Variants in SLC25A48 observed in about 807,000 individuals in gnomAD.
SLC25A48 encodes solute carrier family 25 member 48.
SLC25A48 carries 29 observed loss-of-function variants against 32.2 expected under a neutral mutation model. That is an observed-to-expected ratio of 0.90 (90% CI 0.67 to 1.23). The LOEUF (loss-of-function observed/expected upper bound fraction) is 1.23. SLC25A48 is among the 50% of genes most tolerant of loss of function. The pLI is 0.00. For synonymous variants in SLC25A48, 164 were observed against 172.3 expected (o/e 0.95, Z 0.38); for missense variants, 399 against 422.7 (o/e 0.94, Z 0.49).
In SLC25A48 at chr5:135,754,420, T is replaced by C. The variant is rs62365680; in HGVS notation, c.-520-58103T>C. 7.2e-3 allele frequency among the ~76,000 whole-genome samples: 1,102 copies of C among 152,180 alleles called. 5 individuals carry two copies. The highest frequency in any genetic ancestry group is 0.014 in the Middle Eastern group (4 of 294). ...TATTTATCATATTACAGTGTTGACA[T>C]GGAGTGTTTATGCTGTGATATTAAT... On this transcript the variant is annotated intron_variant, in intron 3 of 10. Coordinates refer to the SLC25A48 transcript ENST00000646290.
intron 6 of SLC25A48, among the ~76,000 whole-genome samples, chr5:135,877,061 C>T (rs25900): frequency 0.13 from 20,011 of 152,120 alleles, 1,688 homozygotes; most frequent in African/African-American, 0.23. Flanking sequence ...ACGATGGTGA[C>T]CAATTTGAGT....
At chr5:135,598,763 G>A (rs1330207350) in intron 1 of SLC25A48, among the ~76,000 whole-genome samples, 1 of 140,712 alleles carries the variant, frequency 7.1e-6, no homozygotes, top group African/African-American at 2.8e-5. Context: ...TTGGGGTGGA[G>A]TATTAACATT....
chr5:135,814,382 T>C (rs765139079), intron 4 of SLC25A48, among the ~76,000 whole-genome samples: 52 of 152,188 alleles, frequency 3.4e-4, no homozygotes, highest in Non-Finnish European at 6.5e-4. Flanking sequence ...GAACTCCAAC[T>C]GCACGCAGCA....
chr5:135,637,365 G>T (rs189567193), intron 3 of SLC25A48, among the ~76,000 whole-genome samples: 1 of 151,804 alleles, frequency 6.6e-6, no homozygotes, highest in Non-Finnish European at 1.5e-5. Flanking sequence ...TCTTCCCCCC[G>T]ACCCCCATGC....
At chr5:135,632,225 G>A (rs1752592725) in intron 2 of SLC25A48, among the ~76,000 whole-genome samples, 1 of 152,228 alleles carries the variant, frequency 6.6e-6, no homozygotes, top group South Asian at 2.1e-4. Context: ...GGGCCATGGG[G>A]AGCCACTAAA....
chr5:135,591,901 C>T (rs1751536782), intron 1 of SLC25A48, among the ~76,000 whole-genome samples: 1 of 152,212 alleles, frequency 6.6e-6, no homozygotes, highest in African/African-American at 2.4e-5. Flanking sequence ...ATCACTCAGG[C>T]TCTGTGAGCG....
chr5:135,596,892 G>T (rs1018598388), intron 1 of SLC25A48, among the ~76,000 whole-genome samples: 2 of 152,168 alleles, frequency 1.3e-5, no homozygotes, highest in African/African-American at 4.8e-5. Flanking sequence ...ATGATTGGGG[G>T]TGCACTTGGC....
At chr5:135,718,628 C>A (rs1754874045) in intron 3 of SLC25A48, among the ~76,000 whole-genome samples, 1 of 152,104 alleles carries the variant, frequency 6.6e-6, no homozygotes, top group Non-Finnish European at 1.5e-5. Flanking sequence ...AAAGAGAAAT[C>A]CCTTTATTAA....
At chr5:135,869,680 C>T (rs972691282) in intron 4 of SLC25A48, among the ~76,000 whole-genome samples, 2 of 152,160 alleles carry the variant, frequency 1.3e-5, no homozygotes, top group Non-Finnish European at 2.9e-5. Flanking sequence ...CAGAATTTCT[C>T]CAGATGAACC....
At chr5:135,835,729 G>A (rs1156532635) in intron 1 of SLC25A48, among the ~76,000 whole-genome samples, 1 of 140,490 alleles carries the variant, frequency 7.1e-6, no homozygotes, top group Non-Finnish European at 1.5e-5. Flanking sequence ...CCATCTAAAA[G>A]GGTTATCCTA....
intron 4 of SLC25A48, among the ~76,000 whole-genome samples, chr5:135,861,006 G>A (rs1257360089): frequency 6.6e-6 from 1 of 152,172 alleles, no homozygotes; most frequent in African/African-American, 2.4e-5. Context: ...CCTCCTGATT[G>A]TCTCTTAGTG....
chr5:135,745,399 C>A (rs1049987939), intron 3 of SLC25A48, among the ~76,000 whole-genome samples: 2 of 152,180 alleles, frequency 1.3e-5, no homozygotes, highest in African/African-American at 4.8e-5. Context: ...GGTAAACCAA[C>A]AACCTCCAGC....
chr5:135,804,898 G>C (rs1194538092), intron 3 of SLC25A48, among the ~76,000 whole-genome samples: 1 of 151,262 alleles, frequency 6.6e-6, no homozygotes, highest in Non-Finnish European at 1.5e-5. Flanking sequence ...TACACCCTGG[G>C]ATATTATCTG....
intron 3 of SLC25A48, among the ~76,000 whole-genome samples, chr5:135,775,664 G>A (rs1756537334): frequency 6.6e-6 from 1 of 151,638 alleles, no homozygotes; most frequent in South Asian, 2.1e-4. Context: ...GGGAGAGGAT[G>A]CTATTACTCC....
intron 3 of SLC25A48, among the ~76,000 whole-genome samples, chr5:135,689,846 A>G (rs1309391005): frequency 6.6e-6 from 1 of 152,238 alleles, no homozygotes; most frequent in African/African-American, 2.4e-5. Context: ...TTTTATTCAA[A>G]TTGGCAAATA....
At chr5:135,778,841 C>A (rs78264856) in intron 3 of SLC25A48, among the ~76,000 whole-genome samples, 820 of 3,494 alleles carry the variant, frequency 0.23, 19 homozygotes, top group Non-Finnish European at 0.31. Context: ...GTACACACAC[C>A]CCCCCCGCCC....
chr5:135,582,544 C>T (rs1446372845), intron 1 of SLC25A48, among the ~76,000 whole-genome samples: 1 of 152,120 alleles, frequency 6.6e-6, no homozygotes, highest in East Asian at 1.9e-4. Flanking sequence ...ACTCCTGGCC[C>T]TTCATGGTCC....
At chr5:135,751,537 A>G (rs1384092611) in intron 3 of SLC25A48, among the ~76,000 whole-genome samples, 5 of 152,152 alleles carry the variant, frequency 3.3e-5, no homozygotes, top group Admixed American at 1.3e-4. Context: ...TTCATTGGCT[A>G]TAATTAGTCA....
At chr5:135,611,346 C>T (rs1752058343) in intron 1 of SLC25A48, among the ~76,000 whole-genome samples, 1 of 151,050 alleles carries the variant, frequency 6.6e-6, no homozygotes, top group African/African-American at 2.4e-5. Flanking sequence ...CTTGTTTCTA[C>T]TAAAAATACA....
Sources: allele counts gnomAD v4.1 joint callset (sites outside exome capture counted in the v4.1 genomes callset), GRCh38; gene constraint gnomAD v4.1.1; transcripts MANE v1.5; gene names NCBI Gene and HGNC (gene_info 2026-07-23, HGNC 2026-07-21).